STK33: variants seen among roughly 807,000 people sequenced by gnomAD.
The protein encoded by STK33 is serine/threonine kinase 33, also known as serine/threonine-protein kinase 33.
A neutral mutation model predicts 58.0 loss-of-function variants in STK33; 52 were observed. The observed-to-expected ratio is 0.90, with a 90% CI of 0.72 to 1.13. STK33 has a LOEUF of 1.13. STK33 is among the 50% of genes most tolerant of loss of function. The pLI is 0.00. For missense variants in STK33, 630 were observed against 604.2 expected (o/e 1.04, Z -0.45); for synonymous variants, 215 against 200.1 (o/e 1.07, Z -0.63).
At chr11:8,590,558 A>G (rs575611820) in intron 1 of STK33, among the ~76,000 whole-genome samples, 17 of 152,318 alleles carry the variant, frequency 1.1e-4, no homozygotes, top group Middle Eastern at 6.8e-3. Context: ...AAAGATAATT[A>G]GTCCATATAT....
chr11:8,503,766 G>C (rs141216069), intron 1 of STK33, among the ~76,000 whole-genome samples: 1 of 152,044 alleles, frequency 6.6e-6, no homozygotes, highest in African/African-American at 2.4e-5. Context: ...ATTTCTCCCA[G>C]TCTACACCTT....
At chr11:8,467,896 G>A (rs1213265579) in intron 6 of STK33, among the ~76,000 whole-genome samples, 1 of 151,728 alleles carries the variant, frequency 6.6e-6, no homozygotes, top group Non-Finnish European at 1.5e-5. Flanking sequence ...AGCGAGCTGA[G>A]ATCGCACCAC....
intron 15 of STK33, among the ~76,000 whole-genome samples, chr11:8,406,473 C>T (rs964908687): frequency 2.6e-5 from 4 of 152,166 alleles, no homozygotes; most frequent in Admixed American, 6.5e-5. Flanking sequence ...GAACTGACAT[C>T]TTAATAGTAC....
At chr11:8,584,542 G>A in intron 1 of STK33, among the ~76,000 whole-genome samples, 1 of 152,208 alleles carries the variant, frequency 6.6e-6, no homozygotes, top group South Asian at 2.1e-4. Flanking sequence ...CTTGGAGCAA[G>A]CCAATCAGTG....
At chr11:8,499,483 T>C (rs1302287292) in intron 1 of STK33, among the ~76,000 whole-genome samples, 1 of 152,122 alleles carries the variant, frequency 6.6e-6, no homozygotes, top group Non-Finnish European at 1.5e-5. Flanking sequence ...GGACTGTAAA[T>C]TAGTTCAACC....
intron 1 of STK33, among the ~76,000 whole-genome samples, chr11:8,521,980 G>A (rs1418084386): frequency 6.6e-6 from 1 of 152,066 alleles, no homozygotes; most frequent in Non-Finnish European, 1.5e-5. Context: ...GGAAACAACA[G>A]ATACTGGAGA....
intron 1 of STK33, among the ~76,000 whole-genome samples, chr11:8,555,626 T>C (rs1355347327): frequency 2.6e-5 from 4 of 151,534 alleles, no homozygotes; most frequent in Admixed American, 1.3e-4. Context: ...GATTGAGCCA[T>C]TGCACTCCAG....
chr11:8,429,569 T>A (rs1943167398), intron 14 of STK33, among the ~76,000 whole-genome samples: 1 of 152,156 alleles, frequency 6.6e-6, no homozygotes, highest in Non-Finnish European at 1.5e-5. Context: ...ACTGCCCTAG[T>A]TTCAGTCTTC....
chr11:8,540,498 T>A (rs1955422318), intron 1 of STK33, among the ~76,000 whole-genome samples: 1 of 151,788 alleles, frequency 6.6e-6, no homozygotes, highest in Non-Finnish European at 1.5e-5. Context: ...ACAAATAAAA[T>A]TTTAAAAAGA....
chr11:8,419,423 T>G (rs1190763606), intron 14 of STK33, among the ~76,000 whole-genome samples: 4 of 152,208 alleles, frequency 2.6e-5, no homozygotes, highest in Non-Finnish European at 5.9e-5. Context: ...GGCTCTCTAT[T>G]CTGTTCCATT....
the STK33 span, among the ~76,000 whole-genome samples, chr11:8,362,916 T>TCCTCTCTCCTTTCCTC: frequency 6.7e-6 from 1 of 149,070 alleles, no homozygotes; most frequent in Admixed American, 6.7e-5. Context: ...CTTCCTTCCT[T>TCCTCTCTCCTTTCCTC]CCTCCCTCCT....
At position 8,401,798 on chromosome 11, in the gene STK33, G is replaced by T. The variant is rs183312013; in HGVS notation, c.1345-9088C>A. Among the ~76,000 whole-genome samples the T allele has an allele frequency of 9.2e-5, 14 of 152,256 alleles. No homozygotes were observed. The East Asian group carries it at 2.7e-3, about 29-fold the overall frequency. Reference sequence around the variant, plus strand: ...AGAAAAAACAACCCCATCAAAAAGTGGGCAAAGGATATGAACGGACACTTC... The same window carrying T: ...AGAAAAAACAACCCCATCAAAAAGTTGGCAAAGGATATGAACGGACACTTC... On this transcript the variant is annotated intron_variant, in intron 15 of 15. Coordinates refer to ENST00000687296, the MANE Select transcript of STK33 (RefSeq NM_001352389.2).
the STK33 span, among the ~76,000 whole-genome samples, chr11:8,371,740 CCTCCCT>C: frequency 1.6e-5 from 2 of 124,428 alleles, no homozygotes; most frequent in African/African-American, 2.7e-5. Context: ...TCTCTCCCTC[CCTCCCT>C]CTCTCCCTCC....
the STK33 span, among the ~76,000 whole-genome samples, chr11:8,384,387 G>C: frequency 5.3e-5 from 8 of 151,698 alleles, no homozygotes; most frequent in East Asian, 1.5e-3. Context: ...TTAGCAGACC[G>C]TGAAAGGGAA....
At chr11:8,401,691 G>A (rs1282592082) in intron 15 of STK33, among the ~76,000 whole-genome samples, 3 of 152,158 alleles carry the variant, frequency 2.0e-5, no homozygotes, top group East Asian at 1.9e-4. Flanking sequence ...GCAACCTACA[G>A]AATGGGAGAA....
At chr11:8,400,183 C>A (rs1407927800) in intron 15 of STK33, among the ~76,000 whole-genome samples, 1 of 152,174 alleles carries the variant, frequency 6.6e-6, no homozygotes, top group East Asian at 1.9e-4. Context: ...GAATTTTAGA[C>A]CAATATCCCT....
intron 1 of STK33, among the ~76,000 whole-genome samples, chr11:8,526,527 G>A (rs1290272903): frequency 6.6e-6 from 1 of 152,038 alleles, no homozygotes; most frequent in Non-Finnish European, 1.5e-5. Flanking sequence ...CAACTTAAAA[G>A]TCTGCAGATG....
the STK33 span, among the ~76,000 whole-genome samples, chr11:8,365,146 A>G: frequency 3.9e-5 from 6 of 152,202 alleles, no homozygotes; most frequent in African/African-American, 1.2e-4. Flanking sequence ...GAGGTCACAC[A>G]GAGAGTCAAA....
intron 9 of STK33, among the ~76,000 whole-genome samples, chr11:8,455,111 C>T (rs1946690443): frequency 6.6e-6 from 1 of 152,130 alleles, no homozygotes; most frequent in African/African-American, 2.4e-5. Context: ...GAAGGAGGAT[C>T]CTACCCATGC....
Sources: gnomAD v4.1 joint callset for allele counts (sites outside exome capture counted in the v4.1 genomes callset) on GRCh38, gnomAD v4.1.1 for gene constraint, MANE v1.5 for transcripts, NCBI Gene and HGNC (gene_info 2026-07-23, HGNC 2026-07-21) for gene names.